DOCK9: variants seen among roughly 807,000 people sequenced by gnomAD.
DOCK9 encodes dedicator of cytokinesis 9, also known as dedicator of cytokinesis protein 9.
Under a neutral mutation model 263.3 loss-of-function variants are expected in DOCK9, and 89 were observed. The observed-to-expected ratio is 0.34, with a 90% confidence interval of 0.28 to 0.40. DOCK9 has a LOEUF of 0.40. Ranked by LOEUF, DOCK9 falls within the 10% of genes least tolerant of loss-of-function variation. The pLI is 1.00. For synonymous variants in DOCK9, 976 were observed against 973.1 expected, an observed-to-expected ratio of 1.00 and a Z score of -0.06; for missense variants, 2,140 against 2,603.4, an observed-to-expected ratio of 0.82 and a Z score of 3.87.
intron 1 of DOCK9, among the ~76,000 whole-genome samples, chr13:98,976,467 G>T (rs1291832366): frequency 2.0e-5 from 3 of 152,096 alleles, no homozygotes; most frequent in African/African-American, 7.2e-5. Flanking sequence ...CACAGCTGGA[G>T]AATCACTGAC....
chr13:98,812,127 ATTTTTTT>A (rs56880707), intron 45 of DOCK9, among the ~76,000 whole-genome samples: 93 of 77,648 alleles, frequency 1.2e-3, no homozygotes, highest in African/African-American at 4.0e-3. Flanking sequence ...AAACCACAGG[ATTTTTTT>A]TTTTTTTTTT....
At position 99,019,528 on chromosome 13, in the gene DOCK9, C is replaced by G. The variant is rs554614447; in HGVS notation, c.130-63977G>C. 1.8e-4 allele frequency among the ~76,000 whole-genome samples: 28 copies of G among 152,170 alleles called. No homozygotes were observed. In the South Asian group the frequency reaches 5.6e-3, roughly 30 times the overall value. On this transcript the variant is annotated intron_variant, in intron 1 of 32. Coordinates refer to the DOCK9 transcript ENST00000427887. ...TTATGACACCAACAGTAAATTCAAA[C>G]CCTTCAATGGGAACCCTCACTCCAC...
intron 1 of DOCK9, among the ~76,000 whole-genome samples, chr13:99,011,959 C>G (rs1401877431): frequency 6.6e-6 from 1 of 152,116 alleles, no homozygotes; most frequent in Non-Finnish European, 1.5e-5. Context: ...GTAGCTGGGG[C>G]TACTTGGCAT....
At chr13:98,806,451 G>A (rs1455230451) in intron 48 of DOCK9, among the ~76,000 whole-genome samples, 1 of 152,056 alleles carries the variant, frequency 6.6e-6, no homozygotes, top group African/African-American at 2.4e-5. Context: ...CAATAAAAAG[G>A]GACACAAAAG....
intron 9 of DOCK9, among the ~76,000 whole-genome samples, chr13:98,911,482 AAAAC>A (rs1262259556): frequency 1.3e-5 from 2 of 152,238 alleles, no homozygotes; most frequent in African/African-American, 4.8e-5. Context: ...CACACTAAGA[AAAAC>A]AAATATCTTT....
chr13:98,885,306 A>C (rs1195245938), intron 20 of DOCK9: 1 of 669,576 alleles, frequency 1.5e-6, no homozygotes, highest in African/African-American at 1.8e-5. Flanking sequence ...TTCTTTTATA[A>C]AAATGTACAT....
chr13:98,991,544 GA>G (rs1879808077), intron 1 of DOCK9, among the ~76,000 whole-genome samples: 2 of 151,988 alleles, frequency 1.3e-5, no homozygotes, highest in African/African-American at 4.8e-5. Flanking sequence ...AATATCTTAA[GA>G]GTTTTTTTAT....
At position 98,837,820 on chromosome 13, in the gene DOCK9, T is replaced by TC. The variant is rs140929594; in HGVS notation, c.4199-212dup. Among the ~76,000 whole-genome samples, 782 of 152,198 alleles carry TC rather than the reference T, an allele frequency of 5.1e-3. 6 individuals are homozygous for TC. The highest frequency in any genetic ancestry group is 0.018 in the African/African-American group (730 of 41,496). On this transcript the variant is annotated intron_variant, in intron 38 of 52. Transcript: ENST00000682017. ...TGTTTCAATACAATTATAACTTTTTTCCCACTCTGAAAGGGCAATAACCAC... is the reference window on the plus strand; with the variant it reads ...TGTTTCAATACAATTATAACTTTTTTCCCCACTCTGAAAGGGCAATAACCAC...
chr13:98,902,548 G>A (rs1017827696), intron 11 of DOCK9, 57 bp from the exon 12 acceptor site: 2 of 1,527,812 alleles, frequency 1.3e-6, no homozygotes, highest in East Asian at 2.3e-5. Context: ...ACAAAAGAAT[G>A]TTGCTATCAA....
At chr13:98,804,905 A>C in intron 49 of DOCK9, 94 bp downstream of exon 49, 3 of 1,365,918 alleles carry the variant, frequency 2.2e-6, no homozygotes, top group Non-Finnish European at 2.0e-6. Flanking sequence ...CTGAGCTCGA[A>C]AGACCCTTCC....
At chr13:98,957,871 T>C (rs1463751002) in intron 1 of DOCK9, among the ~76,000 whole-genome samples, 1 of 152,210 alleles carries the variant, frequency 6.6e-6, no homozygotes, top group Non-Finnish European at 1.5e-5. Context: ...CTGGCTTATG[T>C]GGTGGCTGCC....
chr13:98,819,740 G>A (rs780976378), intron 45 of DOCK9, among the ~76,000 whole-genome samples: 3 of 152,214 alleles, frequency 2.0e-5, no homozygotes, highest in African/African-American at 4.8e-5. Context: ...GTGGACATGA[G>A]CTAGCTCTAA....
intron 1 of DOCK9, among the ~76,000 whole-genome samples, chr13:98,966,533 T>A (rs1299051788): frequency 2.6e-5 from 4 of 152,258 alleles, no homozygotes; most frequent in Admixed American, 2.6e-4. Context: ...TTTTTTAGCA[T>A]TATGACCTAA....
At chr13:99,015,799 G>C in intron 1 of DOCK9, 1 of 1,290,360 alleles carries the variant, frequency 7.7e-7, no homozygotes, top group Non-Finnish European at 9.8e-7. Context: ...AAAAAATCCA[G>C]ACTCCGAGTG....
Position 98,897,488 on chromosome 13 carries a change from T to C in DOCK9, c.1709A>G (p.Lys570Arg), listed in dbSNP as rs1262031693. ...DMLKLLADFRKPEKMAKLPVI... is the reference protein window; with the variant it reads ...DMLKLLADFRRPEKMAKLPVI... ...GTGGAAATAAGACCTTGAAACTCAC[T>C]TCCGAAAGTCTGCAAGTAACTTGAG... Residue 570 changes from lysine to arginine, a missense_variant and splice_region_variant, in exon 15 of 53, where the codon AAA becomes AGA. Lys to Arg is a conservative substitution (Grantham distance 26, BLOSUM62 2). Around this residue, in one of 2 missense-constraint regions of DOCK9, gnomAD observed 1,521 missense variants for 1,741.7 expected, o/e 0.87. Coordinates refer to ENST00000682017, the MANE Select transcript of DOCK9 (RefSeq NM_001366683.2). The C allele has an allele frequency of 6.2e-6, 10 of 1,613,642 alleles. No individual in the cohort carries two copies. The Middle Eastern group carries it at 5.0e-4, about 80-fold the overall frequency.
intron 25 of DOCK9, 147 bp from the exon 26 acceptor site, chr13:98,880,819 G>T: frequency 1.8e-6 from 2 of 1,108,942 alleles, no homozygotes; most frequent in Non-Finnish European, 2.5e-6. Flanking sequence ...TGGGAAGGGT[G>T]AGTGTCATGT....
At chr13:99,085,749 G>A (rs1413698355) in intron 1 of DOCK9, among the ~76,000 whole-genome samples, 1 of 151,938 alleles carries the variant, frequency 6.6e-6, no homozygotes, top group East Asian at 1.9e-4. Context: ...AGGGTTAGCA[G>A]GGGCATCTCC....
At chr13:98,962,215 A>G (rs1003796936) in intron 1 of DOCK9, among the ~76,000 whole-genome samples, 2 of 152,242 alleles carry the variant, frequency 1.3e-5, no homozygotes, top group Non-Finnish European at 2.9e-5. Flanking sequence ...ATAGGGAAGT[A>G]GTATGGAGGT....
intron 2 of DOCK9, among the ~76,000 whole-genome samples, chr13:98,945,597 C>T (rs1394557278): frequency 6.6e-6 from 1 of 152,234 alleles, no homozygotes; most frequent in African/African-American, 2.4e-5. Context: ...TCACCTACAT[C>T]CTGCCACCAT....
Sources: allele counts gnomAD v4.1 joint callset (sites outside exome capture counted in the v4.1 genomes callset), GRCh38; gene constraint gnomAD v4.1.1; regional missense constraint gnomAD v4.1.1; transcripts MANE v1.5; gene names NCBI Gene and HGNC (gene_info 2026-07-23, HGNC 2026-07-21).